Variants in ADGRL3 observed in about 807,000 individuals in gnomAD.
ADGRL3 encodes the protein calcium-independent alpha-latrotoxin receptor 3.
In ADGRL3, 62 loss-of-function variants were observed where a neutral mutation model predicts 153.5. The ratio of observed to expected loss-of-function variants is 0.40; its 90% confidence interval spans 0.33 to 0.50. The LOEUF (loss-of-function observed/expected upper bound fraction) is 0.50. Among genes scored for constraint, ADGRL3 ranks in the 20% least tolerant of loss-of-function variants. The pLI is 0.47. For missense variants in ADGRL3, 1,641 were observed against 1,859.4 expected, an observed-to-expected ratio of 0.88 and a Z score of 2.16; for synonymous variants, 710 against 672.5, an observed-to-expected ratio of 1.06 and a Z score of -0.86.
intron 5 of ADGRL3, among the ~76,000 whole-genome samples, chr4:61,611,862 G>A (rs763764309): frequency 9.2e-5 from 14 of 152,080 alleles, no homozygotes; most frequent in Non-Finnish European, 1.5e-4. Flanking sequence ...CAAGGTTACA[G>A]TGAGCTATGA....
intron 2 of ADGRL3, among the ~76,000 whole-genome samples, chr4:61,480,334 C>T (rs1007778065): frequency 6.6e-6 from 1 of 152,132 alleles, no homozygotes; most frequent in Non-Finnish European, 1.5e-5. Context: ...CATCCAGGTT[C>T]ATTCATATTG....
intron 9 of ADGRL3, among the ~76,000 whole-genome samples, chr4:61,869,936 T>TAAAAAAA (rs1190618911): frequency 0.029 from 309 of 10,502 alleles, 79 homozygotes; most frequent in Non-Finnish European, 0.052. Context: ...AAAACTTTGT[T>TAAAAAAA]AAAAAAAAAA....
In ADGRL3 at chr4:61,557,679, T is replaced by C. The variant is rs146493490; in HGVS notation, c.260-29548T>C. ...TTTAGGTCTCCAGAGTTGCAATTAA[T>C]AAGAGCACTCAAACACTAACCTTAG... is the stretch of plus-strand genomic sequence containing the variant. On this transcript the variant is annotated intron_variant, in intron 4 of 26. Transcript: ENST00000683033. Among the ~76,000 whole-genome samples the C allele has an allele frequency of 1.1e-3, 165 of 152,264 alleles. 1 individual carries two copies. The highest frequency in any genetic ancestry group is 3.8e-3 in the African/African-American group (159 of 41,566).
At chr4:61,444,644 T>G (rs1042851031) in intron 2 of ADGRL3, among the ~76,000 whole-genome samples, 2 of 152,232 alleles carry the variant, frequency 1.3e-5, no homozygotes, top group African/African-American at 4.8e-5. Context: ...TCCAGGATTT[T>G]TTTTTATTAG....
chr4:62,003,925 C>G (rs1361116302), intron 21 of ADGRL3, among the ~76,000 whole-genome samples: 2 of 152,018 alleles, frequency 1.3e-5, no homozygotes, highest in East Asian at 3.9e-4. Context: ...CTGCCATATG[C>G]TAAGAAATCT....
chr4:62,040,377 A>G (rs1455840848), intron 24 of ADGRL3, among the ~76,000 whole-genome samples: 2 of 152,034 alleles, frequency 1.3e-5, no homozygotes, highest in Non-Finnish European at 2.9e-5. Context: ...ATATAATACT[A>G]ATTCTGATTA....
chr4:61,286,352 T>C (rs551364424), intron 1 of ADGRL3, among the ~76,000 whole-genome samples: 17 of 151,312 alleles, frequency 1.1e-4, no homozygotes, highest in African/African-American at 4.1e-4. Context: ...TTGTTTAGTA[T>C]CTTTTTCAGC....
Position 62,070,302 on chromosome 4 carries a change from C to T in ADGRL3, c.4026C>T (p.Ile1342=). 11 of 1,563,474 alleles carry T rather than the reference C, an allele frequency of 7.0e-6. No homozygotes were observed. Among genetic ancestry groups the T allele is most frequent in the Non-Finnish European group, 9.5e-6 (11 of 1,152,708 alleles). ...TGAAGGAACTCACTTCCAACTATAT[C>T]CCTTCTTACCTGAACAACCATGAGC... ...KILKELTSNY[I]PSYLNNHERS... The change falls in exon 27 of 27, where the codon ATC becomes ATT. Residue 1342 remains isoleucine (I), a synonymous_variant. Transcript: ENST00000683033.
chr4:61,856,780 T>C (rs1253610655), intron 9 of ADGRL3, among the ~76,000 whole-genome samples: 5 of 151,596 alleles, frequency 3.3e-5, no homozygotes, highest in South Asian at 2.1e-4. Context: ...GGTTTTTGTA[T>C]TTTTAGTAGA....
At chr4:61,875,378 G>A (rs542614586) in intron 9 of ADGRL3, among the ~76,000 whole-genome samples, 18 of 152,128 alleles carry the variant, frequency 1.2e-4, no homozygotes, top group Admixed American at 2.6e-4. Context: ...ATAAGGTAAT[G>A]TGAGTCACAT....
chr4:61,408,811 T>C (rs2097040813), intron 2 of ADGRL3, among the ~76,000 whole-genome samples: 4 of 152,102 alleles, frequency 2.6e-5, no homozygotes, highest in Admixed American at 6.6e-5. Flanking sequence ...GTTTGGATGA[T>C]GCTAAAGTAT....
At chr4:61,694,176 A>ATTTTTTTTTTTTT (rs2095592928) in intron 6 of ADGRL3, among the ~76,000 whole-genome samples, 3 of 94,702 alleles carry the variant, frequency 3.2e-5, no homozygotes, top group African/African-American at 1.1e-4. Flanking sequence ...AAATTTTGTC[A>ATTTTTTTTTTTTT]TTATTTTTTT....
intron 6 of ADGRL3, among the ~76,000 whole-genome samples, chr4:61,711,165 T>A (rs746593805): frequency 2.0e-5 from 3 of 152,064 alleles, no homozygotes; most frequent in Non-Finnish European, 2.9e-5. Context: ...GAGCACAACT[T>A]CTTCTTATAT....
intron 8 of ADGRL3, among the ~76,000 whole-genome samples, chr4:61,763,951 A>G (rs1477712618): frequency 6.6e-6 from 1 of 152,196 alleles, no homozygotes; most frequent in Non-Finnish European, 1.5e-5. Context: ...ACATAATGCT[A>G]ATAACTCAGA....
At chr4:61,708,837 T>G (rs2095905027) in intron 6 of ADGRL3, among the ~76,000 whole-genome samples, 1 of 152,038 alleles carries the variant, frequency 6.6e-6, no homozygotes, top group Non-Finnish European at 1.5e-5. Flanking sequence ...TGAGATGGAG[T>G]CTCACTCTGT....
intron 9 of ADGRL3, among the ~76,000 whole-genome samples, chr4:61,832,447 G>A (rs2097882765): frequency 6.6e-6 from 1 of 152,136 alleles, no homozygotes; most frequent in Non-Finnish European, 1.5e-5. Flanking sequence ...TAATACAATT[G>A]CATTTCTTTT....
In ADGRL3 at chr4:62,040,108, C is replaced by A. The variant is rs1030321707; in HGVS notation, c.3717+2252C>A. ...CAGAACAAGTTACTAATTTCATTGA[C>A]ACTCAGTTTTTCCATCTGTAAAATG... On this transcript the variant is annotated intron_variant, in intron 24 of 26. Transcript: ENST00000683033. Among the ~76,000 whole-genome samples the A allele has an allele frequency of 8.5e-5, 13 of 152,052 alleles. 1 individual carries two copies. Among genetic ancestry groups the A allele is most frequent in the African/African-American group, 3.1e-4 (13 of 41,436 alleles).
At chr4:61,512,014 C>T (rs1177123981) in intron 3 of ADGRL3, among the ~76,000 whole-genome samples, 1 of 151,990 alleles carries the variant, frequency 6.6e-6, no homozygotes, top group Non-Finnish European at 1.5e-5. Context: ...TGGGAGAGAG[C>T]CTTTCAGGTA....
intron 8 of ADGRL3, among the ~76,000 whole-genome samples, chr4:61,773,994 C>T (rs77285144): frequency 0.071 from 10,825 of 152,142 alleles, 948 homozygotes; most frequent in African/African-American, 0.21. Context: ...TTTTGCTATC[C>T]GCAGTTTCAG....
Sources: allele counts gnomAD v4.1 joint callset (sites outside exome capture counted in the v4.1 genomes callset), GRCh38; gene constraint gnomAD v4.1.1; transcripts MANE v1.5; gene names NCBI Gene and HGNC (gene_info 2026-07-23, HGNC 2026-07-21).